MDGA2: variants seen among roughly 807,000 people sequenced by gnomAD.
The protein encoded by MDGA2 is MAM domain-containing glycosylphosphatidylinositol anchor protein 2.
In MDGA2, 40 loss-of-function variants were observed where a neutral mutation model predicts 117.8. The ratio of observed to expected loss-of-function variants is 0.34; its 90% CI spans 0.26 to 0.44. MDGA2 has a LOEUF of 0.44. Ranked by LOEUF, MDGA2 falls within the 20% of genes least tolerant of loss-of-function variation. The probability of loss-of-function intolerance (pLI) is 1.00; values close to 1 mark genes in which losing one functional copy is unlikely to be tolerated. For synonymous variants in MDGA2, 452 were observed against 439.0 expected (o/e 1.03, Z -0.37); for missense variants, 1,123 against 1,250.6 (o/e 0.90, Z 1.54).
At chr14:47,527,743 C>T (rs1895002516) in intron 1 of MDGA2, among the ~76,000 whole-genome samples, 1 of 152,128 alleles carries the variant, frequency 6.6e-6, no homozygotes, top group Admixed American at 6.5e-5. Context: ...GCCTTGGAGG[C>T]TTCAATGGAA....
At chr14:47,533,727 A>T (rs1216386802) in intron 1 of MDGA2, among the ~76,000 whole-genome samples, 1 of 152,218 alleles carries the variant, frequency 6.6e-6, no homozygotes, top group Non-Finnish European at 1.5e-5. Context: ...TTTAATGGAT[A>T]TGTGTGTCTT....
chr14:47,474,991 T>A (rs531533052), intron 1 of MDGA2, among the ~76,000 whole-genome samples: 22 of 152,244 alleles, frequency 1.4e-4, no homozygotes, highest in Non-Finnish European at 2.8e-4. Flanking sequence ...TGGGGGCTAA[T>A]TAAACTAAAG....
At chr14:47,040,856 C>T (rs1889040398) in intron 7 of MDGA2, among the ~76,000 whole-genome samples, 1 of 152,158 alleles carries the variant, frequency 6.6e-6, no homozygotes, top group Non-Finnish European at 1.5e-5. Context: ...CTTAAGGGCA[C>T]AGAGCCTTAA....
At chr14:47,425,306 C>A (rs1352580593) in intron 1 of MDGA2, among the ~76,000 whole-genome samples, 3 of 152,100 alleles carry the variant, frequency 2.0e-5, no homozygotes, top group African/African-American at 7.2e-5. Context: ...TATTAGTGCA[C>A]ACATCGATCC....
chr14:47,355,393 C>A (rs567963521), intron 1 of MDGA2, among the ~76,000 whole-genome samples: 17 of 152,164 alleles, frequency 1.1e-4, no homozygotes, highest in African/African-American at 4.1e-4. Flanking sequence ...TACAGCCTGG[C>A]TGTAGTGGGC....
At position 47,334,858 on chromosome 14, in the gene MDGA2, G is replaced by C. The variant is rs1281978911; in HGVS notation, c.281-33308C>G. On this transcript the variant is annotated intron_variant, in intron 1 of 16. Transcript: ENST00000399232. ...TGAGGTGGAGGTCCAGATCAGCTCT[G>C]TCTTTACACTGAATGGGCAATATCT... Among the ~76,000 whole-genome samples the C allele has an allele frequency of 3.3e-5, 5 of 151,866 alleles. No individual in the cohort carries two copies. In the Admixed American group the frequency reaches 3.3e-4, roughly 10 times the overall value.
intron 1 of MDGA2, among the ~76,000 whole-genome samples, chr14:47,539,865 C>T (rs1281616428): frequency 6.6e-6 from 1 of 152,220 alleles, no homozygotes; most frequent in Non-Finnish European, 1.5e-5. Context: ...CTTGTTACTT[C>T]TCCCACTGGT....
At chr14:47,501,434 TTAGA>T (rs1466755132) in intron 1 of MDGA2, among the ~76,000 whole-genome samples, 37 of 152,278 alleles carry the variant, frequency 2.4e-4, no homozygotes, top group Admixed American at 2.1e-3. Context: ...AGAACTGGTA[TTAGA>T]TAGTGTTAAG....
rs1884989060 is a variant in MDGA2, at chr14:46,941,222, T to G, written c.2089+16152A>C. Among the ~76,000 whole-genome samples the G allele has an allele frequency of 2.0e-5, 3 of 152,310 alleles. No homozygotes were observed. The South Asian group carries it at 6.2e-4, about 32-fold the overall frequency. ...GTCTTTGTCATACATTCTTTTAAAA[T>G]AGACAAAGTCATTAGAATGATAAGA... On this transcript the variant is annotated intron_variant, in intron 9 of 16. Transcript: ENST00000399232.
At chr14:47,013,772 G>GTGTATATATATATATATATATATATATA (rs1555343310) in intron 8 of MDGA2, among the ~76,000 whole-genome samples, 1 of 93,686 alleles carries the variant, frequency 1.1e-5, no homozygotes, top group Non-Finnish European at 2.2e-5. Flanking sequence ...TAATTTCCTT[G>GTGTATATATATATATATATATATATATA]TATATATATA....
rs200763528 is a variant in MDGA2 at position 47,459,544 on chromosome 14, T to C, written c.281-157994A>G. ...TCTTCCTCCCTCCCTTCTCTTTCTT[T>C]CTTCCTTCCTTCCTTCTTTCCTTCC... On this transcript the variant is annotated intron_variant, in intron 1 of 16. Coordinates refer to ENST00000399232, the MANE Select transcript of MDGA2 (RefSeq NM_001113498.3). Among the ~76,000 whole-genome samples the C allele has an allele frequency of 4.7e-3, 619 of 131,252 alleles. 1 individual carries two copies. The highest frequency in any genetic ancestry group is 0.016 in the African/African-American group (589 of 37,972). The allele number at this position is 131,252 out of a possible 152,430, so 86.1% of individuals were successfully genotyped here. A position where few individuals can be genotyped will look rare whatever the true frequency, so the allele number is the denominator to read the frequency against.
chr14:47,265,964 T>C (rs1887952520), intron 2 of MDGA2, among the ~76,000 whole-genome samples: 1 of 152,222 alleles, frequency 6.6e-6, no homozygotes, highest in African/African-American at 2.4e-5. Flanking sequence ...CTACTATTAT[T>C]ACAACTAATG....
chr14:46,912,138 C>T (rs1415156899), intron 10 of MDGA2, among the ~76,000 whole-genome samples: 4 of 152,128 alleles, frequency 2.6e-5, no homozygotes, highest in African/African-American at 9.7e-5. Context: ...GAATTTTTTT[C>T]TCATCAACGT....
chr14:47,365,944 C>T (rs1016367046), intron 1 of MDGA2, among the ~76,000 whole-genome samples: 5 of 152,136 alleles, frequency 3.3e-5, no homozygotes, highest in Admixed American at 1.3e-4. Context: ...TGGCTTTTCT[C>T]GGAAGCTCTT....
intron 6 of MDGA2, among the ~76,000 whole-genome samples, chr14:47,067,766 TGAA>T (rs1488021357): frequency 1.4e-4 from 22 of 152,222 alleles, no homozygotes; most frequent in Admixed American, 1.4e-3. Flanking sequence ...CTCATTTGCT[TGAA>T]GAAATAATAA....
At chr14:47,093,073 G>T (rs1420682227) in intron 6 of MDGA2, among the ~76,000 whole-genome samples, 6 of 151,928 alleles carry the variant, frequency 3.9e-5, no homozygotes, top group Non-Finnish European at 8.8e-5. Context: ...TATCTATCAG[G>T]CTGGGGTTGG....
At chr14:46,975,892 A>T (rs1445179640) in intron 8 of MDGA2, among the ~76,000 whole-genome samples, 1 of 152,108 alleles carries the variant, frequency 6.6e-6, no homozygotes, top group African/African-American at 2.4e-5. Flanking sequence ...GCAAGACAAC[A>T]ATCTTGAACC....
chr14:47,265,436 A>C (rs1264144261), intron 2 of MDGA2, among the ~76,000 whole-genome samples: 2 of 152,130 alleles, frequency 1.3e-5, no homozygotes, highest in Admixed American at 1.3e-4. Flanking sequence ...ATGTATCTCC[A>C]TGATAGCAAA....
At position 47,118,605 on chromosome 14, in the gene MDGA2, A is replaced by G. The variant is rs149548231; in HGVS notation, c.925+13109T>C. Among the ~76,000 whole-genome samples, 14 of 152,334 alleles carry G rather than the reference A, an allele frequency of 9.2e-5. No homozygotes were observed. The East Asian group carries it at 2.7e-3, about 29-fold the overall frequency. On this transcript the variant is annotated intron_variant, in intron 5 of 16. Coordinates refer to ENST00000399232, the MANE Select transcript of MDGA2 (RefSeq NM_001113498.3). ...TCCTTGTAGAGCAAAAACAAAAAAT[A>G]CCATTTGTTTTCAATATAGAATTAT...
Sources: allele counts gnomAD v4.1 joint callset (sites outside exome capture counted in the v4.1 genomes callset), GRCh38; gene constraint gnomAD v4.1.1; transcripts MANE v1.5; gene names NCBI Gene and HGNC (gene_info 2026-07-23, HGNC 2026-07-21).